Variants in NNT observed in about 807,000 individuals in gnomAD.
NNT encodes nicotinamide nucleotide transhydrogenase.
Under a neutral mutation model 104.8 loss-of-function variants are expected in NNT, and 50 were observed. The ratio of observed to expected loss-of-function variants is 0.48; its 90% CI spans 0.38 to 0.60. The LOEUF (loss-of-function observed/expected upper bound fraction) is 0.60, where lower values mean the gene tolerates loss of function less well. Ranked by LOEUF, NNT falls within the 20% of genes least tolerant of loss-of-function variation. The pLI is 0.00. For missense variants in NNT, 1,131 were observed against 1,330.7 expected (o/e 0.85, Z 2.33); for synonymous variants, 461 against 490.4 (o/e 0.94, Z 0.79).
chr5:43,649,675 G>A (rs1263868400), intron 11 of NNT, among the ~76,000 whole-genome samples: 1 of 151,784 alleles, frequency 6.6e-6, no homozygotes, highest in South Asian at 2.1e-4. Context: ...GCTCTCCTTG[G>A]ATTCAACTCA....
chr5:43,705,544 G>C lies in NNT; in HGVS notation c.*1140G>C, dbSNP rs891544513. Reference sequence around the variant, plus strand: ...TATCGTGCCTAAAGCTCTAAATATAGGTGAATGTGTGATGAATACTCAGAT... The same window carrying C: ...TATCGTGCCTAAAGCTCTAAATATACGTGAATGTGTGATGAATACTCAGAT... On this transcript the variant is annotated 3_prime_UTR_variant, in exon 22 of 22. Coordinates refer to ENST00000344920, the MANE Select transcript of NNT (RefSeq NM_182977.3). 1 of 151,914 alleles carries C rather than the reference G, an allele frequency of 6.6e-6. No individual in the cohort carries two copies. Among genetic ancestry groups the C allele is most frequent in the Non-Finnish European group, 1.5e-5 (1 of 67,946 alleles). 9.4% of individuals were successfully genotyped at this position (151,914 alleles called of 1,614,324 possible).
intron 17 of NNT, among the ~76,000 whole-genome samples, chr5:43,664,488 A>C (rs1211764877): frequency 1.3e-5 from 2 of 152,192 alleles, no homozygotes; most frequent in Non-Finnish European, 2.9e-5. Flanking sequence ...TATATATGTT[A>C]TTATTGCTTT....
intron 17 of NNT, among the ~76,000 whole-genome samples, chr5:43,670,702 G>A (rs145973836): frequency 7.9e-5 from 12 of 152,236 alleles, no homozygotes; most frequent in Non-Finnish European, 1.3e-4. Context: ...TTACTTGCAC[G>A]TATGTGGTCA....
At chr5:43,679,411 A>G (rs1266503655) in intron 19 of NNT, among the ~76,000 whole-genome samples, 1 of 152,184 alleles carries the variant, frequency 6.6e-6, no homozygotes, top group Admixed American at 6.5e-5. Flanking sequence ...AATTTGGCAT[A>G]CCTCTCTTGT....
At chr5:43,673,202 A>T (rs1741223679) in intron 17 of NNT, among the ~76,000 whole-genome samples, 1 of 152,178 alleles carries the variant, frequency 6.6e-6, no homozygotes, top group Non-Finnish European at 1.5e-5. Context: ...CTTGGCTAGG[A>T]AAGGGTATTC....
In NNT at chr5:43,619,108, CCTCCAGCTAAGGTA is replaced by C. The variant is rs1749936295; in HGVS notation, c.677_687+3del. 2 of 1,544,486 alleles carry C rather than the reference CCTCCAGCTAAGGTA, an allele frequency of 1.3e-6. No homozygotes were observed. The highest frequency in any genetic ancestry group is 1.4e-5 in the African/African-American group (1 of 72,880). ...TCAGATCACAGCTGCTGGAAAAGTT[CCTCCAGCTAAGGTA>C]GGTACAACTTTTAATGTTTCTTTAT... On this transcript the variant is annotated splice_donor_variant and splice_donor_region_variant and coding_sequence_variant and intron_variant, in exon 5 of 22. Coordinates refer to ENST00000344920, the MANE Select transcript of NNT (RefSeq NM_182977.3). LOFTEE classifies it high-confidence loss of function.
At chr5:43,647,986 A>G (rs760751715) in intron 10 of NNT, 11 of 633,618 alleles carry the variant, frequency 1.7e-5, no homozygotes, top group Non-Finnish European at 2.3e-5. Flanking sequence ...GAGGTTAAGT[A>G]ACTTGCCTGA....
intron 10 of NNT, among the ~76,000 whole-genome samples, chr5:43,646,159 A>G (rs946070099): frequency 6.6e-6 from 1 of 152,200 alleles, no homozygotes; most frequent in South Asian, 2.1e-4. Context: ...ACATTTATTG[A>G]CTCAGTAAAT....
At chr5:43,639,409 A>C (rs1751104068) in intron 7 of NNT, among the ~76,000 whole-genome samples, 1 of 152,154 alleles carries the variant, frequency 6.6e-6, no homozygotes, top group African/African-American at 2.4e-5. Context: ...ATGGAGATTC[A>C]AGGATGCCTT....
intron 2 of NNT, among the ~76,000 whole-genome samples, chr5:43,611,013 G>C (rs1393712897): frequency 6.6e-6 from 1 of 151,842 alleles, no homozygotes; most frequent in Non-Finnish European, 1.5e-5. Flanking sequence ...AGTAATTCCA[G>C]CTACAGTCAG....
intron 2 of NNT, among the ~76,000 whole-genome samples, chr5:43,612,134 G>A (rs1487039761): frequency 6.6e-6 from 1 of 152,056 alleles, no homozygotes; most frequent in African/African-American, 2.4e-5. Context: ...ACCTCCCTTT[G>A]ATTACCTCAT....
At chr5:43,644,444 G>A (rs1033828812) in intron 8 of NNT, 119 bp downstream of exon 8, 4 of 1,323,680 alleles carry the variant, frequency 3.0e-6, no homozygotes, top group South Asian at 1.3e-5. Flanking sequence ...TTAAAAATAG[G>A]CATATTTAAA....
chr5:43,702,435 G>T (rs781751078), intron 20 of NNT, among the ~76,000 whole-genome samples, 186 bp from the exon 21 acceptor site: 8 of 152,298 alleles, frequency 5.3e-5, no homozygotes, highest in Admixed American at 2.6e-4. Context: ...CTGCTTTTTA[G>T]CTGTGTGAAA....
chr5:43,628,879 G>A (rs1289179732), intron 7 of NNT, among the ~76,000 whole-genome samples: 4 of 151,738 alleles, frequency 2.6e-5, no homozygotes, highest in Non-Finnish European at 4.4e-5. Flanking sequence ...GAGTTACCAC[G>A]CCTAGCCCTT....
intron 19 of NNT, among the ~76,000 whole-genome samples, chr5:43,693,039 T>C: frequency 6.6e-6 from 1 of 150,652 alleles, no homozygotes; most frequent in South Asian, 2.1e-4. Flanking sequence ...GTAAGCTTTA[T>C]TTATTTTTTT....
chr5:43,624,732 ATTC>A (rs1175181110), intron 6 of NNT, among the ~76,000 whole-genome samples: 3 of 152,228 alleles, frequency 2.0e-5, no homozygotes, highest in African/African-American at 7.2e-5. Flanking sequence ...TTTGATTAAA[ATTC>A]TTCTTCATTT....
At chr5:43,611,181 T>A (rs796903732) in intron 2 of NNT, among the ~76,000 whole-genome samples, 1 of 151,416 alleles carries the variant, frequency 6.6e-6, no homozygotes, top group African/African-American at 2.4e-5. Flanking sequence ...ATTTGCTATG[T>A]CTCTTTTGTC....
chr5:43,652,943 G>C, intron 13 of NNT, 75 bp from the exon 14 acceptor site: 1 of 1,161,388 alleles, frequency 8.6e-7, no homozygotes, highest in Non-Finnish European at 1.2e-6. Flanking sequence ...CTAATTGGCA[G>C]GAAAATATAT....
intron 5 of NNT, among the ~76,000 whole-genome samples, chr5:43,621,619 G>C (rs1371089635): frequency 6.6e-6 from 1 of 151,802 alleles, no homozygotes; most frequent in Non-Finnish European, 1.5e-5. Flanking sequence ...ACTCCAGGCT[G>C]ATCTGGAACT....
Sources: gnomAD v4.1 joint callset for allele counts (sites outside exome capture counted in the v4.1 genomes callset) on GRCh38, gnomAD v4.1.1 for gene constraint, MANE v1.5 for transcripts, NCBI Gene and HGNC (gene_info 2026-07-23, HGNC 2026-07-21) for gene names.